IGF2R: variants seen among roughly 807,000 people sequenced by gnomAD.
IGF2R encodes the protein insulin like growth factor 2 receptor.
Under a neutral mutation model 270.6 loss-of-function variants are expected in IGF2R, and 91 were observed. That is an observed-to-expected ratio of 0.34 (90% confidence interval 0.28 to 0.40). IGF2R has a LOEUF of 0.40. IGF2R is among the 10% of genes least tolerant of loss of function. IGF2R has a pLI of 1.00. For synonymous variants in IGF2R, 1,316 were observed against 1,258.9 expected, an observed-to-expected ratio of 1.05 and a Z score of -0.96; for missense variants, 2,805 against 3,188.3, an observed-to-expected ratio of 0.88 and a Z score of 2.90.
chr6:159,969,289 C>T lies in IGF2R; in HGVS notation c.43C>T (p.Pro15Ser). Residue 15 changes from proline (P) to serine (S), a missense_variant, in exon 1 of 48, where the codon CCC (proline) becomes TCC (serine). By Grantham distance (74) the Pro-to-Ser change is moderately conservative. Coordinates refer to ENST00000356956, the MANE Select transcript of IGF2R (RefSeq NM_000876.4). ...AGRSPHLGPA[P>S]ARRPQRSLLL... ...CCGGAGCCCCCACCTGGGGCCCGCG[C>T]CCGCCCGCCGCCCGCAGCGCTCTCT... 8.3e-7 allele frequency: 1 copy of T among 1,202,614 alleles called. No individual in the cohort carries two copies. 74.5% of individuals were successfully genotyped at this position (1,202,614 alleles called of 1,614,324 possible).
At chr6:160,008,793 C>T (rs1223533195) in intron 2 of IGF2R, among the ~76,000 whole-genome samples, 1 of 152,018 alleles carries the variant, frequency 6.6e-6, no homozygotes, top group Non-Finnish European at 1.5e-5. Context: ...GTGGACCTTT[C>T]TGATGTATAG....
rs766537029 is a variant in IGF2R at position 160,024,642 on chromosome 6, C to G, written c.584C>G (p.Ala195Gly). 1.0e-4 allele frequency: 164 copies of G among 1,613,752 alleles called. No homozygotes were observed. Among genetic ancestry groups the G allele is most frequent in the Non-Finnish European group, 1.4e-4 (161 of 1,179,856 alleles). Residue 195 changes from alanine (A) to glycine (G), a missense_variant, in exon 5 of 48, where the codon GCC becomes GGC. Physicochemically the swap from Ala to Gly is moderately conservative, Grantham distance 60 (BLOSUM62 0). Transcript: ENST00000356956. ...DLNPLIKLSG[A>G]YLVDDSDPDT... ...AATCCTCTGATCAAGCTTAGTGGTGCCTACTTGGTGGATGACTCCGATCCG... is the reference window on the plus strand; with the variant it reads ...AATCCTCTGATCAAGCTTAGTGGTGGCTACTTGGTGGATGACTCCGATCCG...
chr6:159,977,199 T>C (rs1243760312), intron 1 of IGF2R, among the ~76,000 whole-genome samples: 1 of 152,206 alleles, frequency 6.6e-6, no homozygotes, highest in Non-Finnish European at 1.5e-5. Flanking sequence ...CTCTGATTGC[T>C]CTATTAATTA....
chr6:160,081,171 A>G (rs749743260), intron 39 of IGF2R, among the ~76,000 whole-genome samples: 8 of 151,984 alleles, frequency 5.3e-5, no homozygotes, highest in South Asian at 4.2e-4. Context: ...AATGTCCAGT[A>G]TCGGGGGAAC....
intron 2 of IGF2R, among the ~76,000 whole-genome samples, chr6:159,994,040 A>G (rs1784017141): frequency 8.8e-6 from 1 of 114,184 alleles, no homozygotes; most frequent in Admixed American, 1.1e-4. Flanking sequence ...GATTGGTACC[A>G]GTTCTTTGTA....
At position 160,032,673 on chromosome 6, in the gene IGF2R, G is replaced by A. The variant is rs1477404174; in HGVS notation, c.1005G>A (p.Gln335=). ...CTTGTTCTCTGAGCGGCGAGCAGCA[G>A]GATGTCTCCATAGACCTCACACCAC... is the stretch of plus-strand genomic sequence containing the variant. ...SKTCSLSGEQ[Q]DVSIDLTPLA... Residue 335 remains glutamine (Q), a synonymous_variant, in exon 8 of 48, where the codon CAG becomes CAA. Transcript: ENST00000356956. The A allele has an allele frequency of 3.7e-6, 6 of 1,614,154 alleles. No homozygotes were observed. Among genetic ancestry groups the A allele is most frequent in the Non-Finnish European group, 5.1e-6 (6 of 1,180,028 alleles).
chr6:159,977,018 G>A (rs192376964), intron 1 of IGF2R, among the ~76,000 whole-genome samples: 52 of 152,292 alleles, frequency 3.4e-4, no homozygotes, highest in Middle Eastern at 6.8e-3. Context: ...GCTGGATGTC[G>A]TTTGCTGCTG....
intron 19 of IGF2R, among the ~76,000 whole-genome samples, chr6:160,055,234 C>T (rs529029555): frequency 1.2e-4 from 18 of 152,256 alleles, no homozygotes; most frequent in South Asian, 4.1e-4. Context: ...TTTTTGGGCA[C>T]ATCTGTGCAT....
At chr6:160,104,599 C>T in intron 47 of IGF2R, 75 bp from the exon 48 acceptor site, 1 of 1,486,766 alleles carries the variant, frequency 6.7e-7, no homozygotes, top group Non-Finnish European at 9.2e-7. Context: ...GAGAGCATCC[C>T]TGATGTGGTG....
chr6:160,004,623 T>G lies in IGF2R; in HGVS notation c.290-4387T>G, dbSNP rs1784183706. The G allele has an allele frequency of 1.3e-5, 2 of 153,774 alleles. No individual in the cohort carries two copies. Among genetic ancestry groups the G allele is most frequent in the African/African-American group, 4.8e-5 (2 of 41,340 alleles). 9.5% of individuals were successfully genotyped at this position (153,774 alleles called of 1,614,324 possible). A position where few individuals can be genotyped will look rare whatever the true frequency, so the allele number is the denominator to read the frequency against. ...TGGCTGGCACCGAGGTCCCTGCGGA[T>G]TCTGGAGAACCTCAAGGTGCGGCCC... On this transcript the variant is annotated intron_variant, in intron 2 of 47. Transcript: ENST00000356956. This position sits in a 1 kb window ranked among gnomAD's most constrained non-coding sequence, Gnocchi z 5.2.
rs763568046 is a variant in IGF2R, at chr6:160,027,224, C to G, written c.686C>G (p.Pro229Arg). Residue 229 changes from proline (P) to arginine (R), a missense_variant, in exon 6 of 48, where the codon CCC (proline) becomes CGC (arginine). By Grantham distance (103) the Pro-to-Arg change is moderately radical. Around this residue, in one of 2 missense-constraint regions of IGF2R, gnomAD observed 954 missense variants for 981.1 expected, o/e 0.97. Coordinates refer to ENST00000356956, the MANE Select transcript of IGF2R (RefSeq NM_000876.4). ...CCAGGTTCACAGCTGCGGGCCTGTC[C>G]CCCCGGCACTGCCGCCTGCCTGGTA... ...RDPGSQLRAC[P>R]PGTAACLVRG... is the part of the protein sequence containing the mutation. 3.1e-6 allele frequency: 5 copies of G among 1,614,236 alleles called. No individual in the cohort carries two copies. The highest frequency in any genetic ancestry group is 4.2e-6 in the Non-Finnish European group (5 of 1,180,032).
intron 37 of IGF2R, among the ~76,000 whole-genome samples, chr6:160,079,238 T>A (rs371531699): frequency 1.2e-4 from 19 of 152,180 alleles, no homozygotes; most frequent in African/African-American, 4.3e-4. Flanking sequence ...GCCCGCACAA[T>A]GTCTTATTAC....
At chr6:160,005,618 C>A (rs1158948299) in intron 2 of IGF2R, 1 of 152,204 alleles carries the variant, frequency 6.6e-6, no homozygotes. Context: ...CCCGTAGGGG[C>A]TCTTGACACA....
intron 38 of IGF2R, 121 bp downstream of exon 38, chr6:160,079,908 C>A: frequency 9.7e-7 from 1 of 1,029,680 alleles, no homozygotes; most frequent in Non-Finnish European, 1.4e-6. Context: ...TAACCTTGGG[C>A]GTGAATGTGA....
chr6:159,973,268 A>G (rs1783639778), intron 1 of IGF2R, among the ~76,000 whole-genome samples: 1 of 152,162 alleles, frequency 6.6e-6, no homozygotes, highest in Non-Finnish European at 1.5e-5. Context: ...GTAAAATGTC[A>G]TATTATATAT....
At chr6:159,999,907 A>G (rs140137802) in intron 2 of IGF2R, among the ~76,000 whole-genome samples, 56 of 152,372 alleles carry the variant, frequency 3.7e-4, no homozygotes, top group African/African-American at 1.3e-3. Flanking sequence ...TGGAAGCCAT[A>G]CAGGAGAAGA....
At chr6:160,059,695 G>A (rs977684100) in intron 22 of IGF2R, among the ~76,000 whole-genome samples, 2 of 152,206 alleles carry the variant, frequency 1.3e-5, no homozygotes, top group South Asian at 4.1e-4. Context: ...GCCATGGGAC[G>A]CCCGTGGGGG....
At chr6:160,033,370 C>T (rs745699479) in intron 9 of IGF2R, among the ~76,000 whole-genome samples, 4 of 152,200 alleles carry the variant, frequency 2.6e-5, no homozygotes, top group African/African-American at 4.8e-5. Flanking sequence ...GTCCTTGCCT[C>T]GGTGATCCTC....
chr6:160,075,951 C>G lies in IGF2R; in HGVS notation c.5271C>G (p.Asn1757Lys). ...STPCLADKHF[N>K]YTSLIAFHCK... ...CTTGCTTAGCGGACAAGCATTTCAA[C>G]TACACCTCGCTCATCGCGTTTCACT... The change falls in exon 36 of 48, where the codon AAC (asparagine) becomes AAG (lysine). Residue 1757 changes from asparagine (N) to lysine (K), a missense_variant. This residue lies in a region of IGF2R where 1,851 missense variants were observed against 2,207.2 expected (regional missense o/e 0.84). Transcript: ENST00000356956. 6.2e-7 allele frequency: 1 copy of G among 1,614,226 alleles called. No homozygotes were observed. Among genetic ancestry groups the G allele is most frequent in the South Asian group, 1.1e-5 (1 of 91,092 alleles).
Sources: gnomAD v4.1 joint callset for allele counts (sites outside exome capture counted in the v4.1 genomes callset) on GRCh38, gnomAD v4.1.1 for gene constraint, gnomAD v4.1.1 regional missense constraint, Gnocchi (gnomAD v3.1) non-coding constraint, MANE v1.5 for transcripts, NCBI Gene and HGNC (gene_info 2026-07-23, HGNC 2026-07-21) for gene names.